Variants in FOXN3 observed in about 807,000 individuals in gnomAD.
The protein encoded by FOXN3 is forkhead box N3, also known as forkhead box protein N3.
A neutral mutation model predicts 38.4 loss-of-function variants in FOXN3; 7 were observed. The ratio of observed to expected loss-of-function variants is 0.18; its 90% CI spans 0.10 to 0.34. FOXN3 has a LOEUF of 0.34. Ranked by LOEUF, FOXN3 falls within the 10% of genes least tolerant of loss-of-function variation. FOXN3 has a pLI of 1.00. For synonymous variants in FOXN3, 230 were observed against 242.2 expected (o/e 0.95, Z 0.47); for missense variants, 456 against 613.4 (o/e 0.74, Z 2.71).
chr14:89,538,001 G>T (rs953544019), intron 1 of FOXN3, among the ~76,000 whole-genome samples: 1 of 152,082 alleles, frequency 6.6e-6, no homozygotes, highest in African/African-American at 2.4e-5. Context: ...TTCTTCTGAG[G>T]CTTTCAATTG....
chr14:89,588,188 G>A (rs751729515), intron 1 of FOXN3, among the ~76,000 whole-genome samples: 1 of 151,978 alleles, frequency 6.6e-6, no homozygotes, highest in Non-Finnish European at 1.5e-5. Context: ...TCCTGCTCAG[G>A]CCATGTGACA....
In FOXN3 at chr14:89,412,725, C is replaced by T. The variant is rs543975575; in HGVS notation, c.-14-235G>A. ...CATATAGCAAGGTGACCTGATGCCCCTTAAATAAAATAAGACCAGTAACAC... is the reference window on the plus strand; with the variant it reads ...CATATAGCAAGGTGACCTGATGCCCTTTAAATAAAATAAGACCAGTAACAC... On this transcript the variant is annotated intron_variant, in intron 1 of 5. Coordinates refer to ENST00000557258, the MANE Select transcript of FOXN3 (RefSeq NM_005197.4). The surrounding 1 kb of genome is among the most constrained non-coding windows in gnomAD (Gnocchi z 4.7). Among the ~76,000 whole-genome samples the T allele has an allele frequency of 6.6e-6, 1 of 152,230 alleles. No individual in the cohort carries two copies. Among genetic ancestry groups the T allele is most frequent in the Non-Finnish European group, 1.5e-5 (1 of 68,020 alleles).
intron 1 of FOXN3, among the ~76,000 whole-genome samples, chr14:89,596,370 C>G (rs1028492986): frequency 1.3e-5 from 2 of 152,272 alleles, no homozygotes; most frequent in Admixed American, 1.3e-4. Context: ...CTCCTGACCT[C>G]AAGTGATCCT....
At chr14:89,584,264 G>A (rs1450601515) in intron 1 of FOXN3, among the ~76,000 whole-genome samples, 3 of 152,110 alleles carry the variant, frequency 2.0e-5, no homozygotes, top group African/African-American at 7.2e-5. Context: ...AGCCAGGCAT[G>A]GTGGTGTGTG....
At chr14:89,285,866 T>A (rs1430616333) in intron 3 of FOXN3, among the ~76,000 whole-genome samples, 8 of 37,256 alleles carry the variant, frequency 2.1e-4, no homozygotes, top group African/African-American at 4.9e-4. Context: ...ACCAAAAATT[T>A]TTTTTTTTTT....
intron 1 of FOXN3, among the ~76,000 whole-genome samples, chr14:89,510,875 G>A (rs765930677): frequency 2.0e-5 from 3 of 152,056 alleles, no homozygotes; most frequent in Admixed American, 2.0e-4. Context: ...CCCGGGAGGC[G>A]GAAGTTGCAG....
intron 1 of FOXN3, among the ~76,000 whole-genome samples, chr14:89,445,656 C>T (rs1330952965): frequency 3.3e-5 from 5 of 152,022 alleles, no homozygotes; most frequent in Non-Finnish European, 7.4e-5. Flanking sequence ...GCCGTAAAAT[C>T]CCCCAGGGTC....
chr14:89,242,539 T>C (rs557814669), intron 4 of FOXN3, among the ~76,000 whole-genome samples: 2 of 152,124 alleles, frequency 1.3e-5, no homozygotes, highest in Non-Finnish European at 2.9e-5. Context: ...GAAAGAGCTA[T>C]GAATAATAAT....
intron 1 of FOXN3, among the ~76,000 whole-genome samples, chr14:89,551,325 A>G (rs1386807948): frequency 6.6e-6 from 1 of 152,140 alleles, no homozygotes; most frequent in Non-Finnish European, 1.5e-5. Context: ...TGTCTTCTGC[A>G]CAATCAGATC....
intron 1 of FOXN3, among the ~76,000 whole-genome samples, chr14:89,454,583 T>C (rs902881917): frequency 6.6e-6 from 1 of 152,196 alleles, no homozygotes; most frequent in African/African-American, 2.4e-5. Context: ...CCTGCCTCAC[T>C]TGTAAAAGAG....
At chr14:89,237,423 A>G (rs772924115) in intron 4 of FOXN3, among the ~76,000 whole-genome samples, 16 of 152,262 alleles carry the variant, frequency 1.1e-4, no homozygotes, top group Non-Finnish European at 1.6e-4. Flanking sequence ...AAAATAGTTT[A>G]GCGGTTTGTT....
intron 1 of FOXN3, among the ~76,000 whole-genome samples, chr14:89,430,985 G>T (rs1892143072): frequency 6.6e-6 from 1 of 152,226 alleles, no homozygotes; most frequent in Non-Finnish European, 1.5e-5. Context: ...ACCTCAGACT[G>T]TGCCAAACTC....
rs111296643 is a variant in FOXN3, at chr14:89,552,957, T to C, written c.-15+66071A>G. Among the ~76,000 whole-genome samples the C allele has an allele frequency of 4.1e-3, 617 of 151,874 alleles. 5 individuals are homozygous for C. The highest frequency in any genetic ancestry group is 0.014 in the African/African-American group (599 of 41,432). On this transcript the variant is annotated intron_variant, in intron 1 of 6. Coordinates refer to the FOXN3 transcript ENST00000345097. Reference sequence around the variant, plus strand: ...TTTCAAACACCCCATTTGGCAGGTGTTTATGGTGGGCCTCTATGAGAAAAT... The same window carrying C: ...TTTCAAACACCCCATTTGGCAGGTGCTTATGGTGGGCCTCTATGAGAAAAT...
chr14:89,317,799 A>G (rs1887767115), intron 3 of FOXN3, among the ~76,000 whole-genome samples: 1 of 151,740 alleles, frequency 6.6e-6, no homozygotes, highest in African/African-American at 2.4e-5. Context: ...GGTGAGCGGC[A>G]GGCGAGCAGG....
intron 3 of FOXN3, among the ~76,000 whole-genome samples, chr14:89,331,479 AGT>A (rs1664336032): frequency 8.9e-6 from 1 of 111,836 alleles, no homozygotes; most frequent in African/African-American, 2.6e-5. Flanking sequence ...TGTTTCCCTG[AGT>A]GTTGCTTTTT....
chr14:89,397,326 A>G (rs1298296038), intron 2 of FOXN3, among the ~76,000 whole-genome samples: 3 of 151,582 alleles, frequency 2.0e-5, no homozygotes, highest in Admixed American at 6.6e-5. Context: ...GGAAAAAACT[A>G]TTGGTTACTA....
At chr14:89,358,894 G>C (rs1032458640) in intron 2 of FOXN3, among the ~76,000 whole-genome samples, 1 of 152,192 alleles carries the variant, frequency 6.6e-6, no homozygotes, top group Non-Finnish European at 1.5e-5. Flanking sequence ...ACTGCTCTGA[G>C]CTTCAAATTT....
intron 1 of FOXN3, among the ~76,000 whole-genome samples, chr14:89,589,292 A>G (rs1895906388): frequency 6.6e-6 from 1 of 152,316 alleles, no homozygotes; most frequent in South Asian, 2.1e-4. Context: ...CAGACTTACA[A>G]AAGCATTTCA....
chr14:89,392,797 C>CCAA (rs71130073), intron 2 of FOXN3, among the ~76,000 whole-genome samples: 2 of 143,162 alleles, frequency 1.4e-5, no homozygotes, highest in Non-Finnish European at 3.1e-5. Context: ...CAGACCACCA[C>CCAA]GCCCAGCTAA....
Sources: allele counts gnomAD v4.1 joint callset (sites outside exome capture counted in the v4.1 genomes callset), GRCh38; gene constraint gnomAD v4.1.1; non-coding constraint Gnocchi (gnomAD v3.1); transcripts MANE v1.5; gene names NCBI Gene and HGNC (gene_info 2026-07-23, HGNC 2026-07-21).